Variants in GNA14 observed in about 807,000 individuals in gnomAD.
GNA14 encodes the protein G protein subunit alpha 14, also known as guanine nucleotide-binding protein subunit alpha-14.
In GNA14, 50 loss-of-function variants were observed where a neutral mutation model predicts 42.0. That is an observed-to-expected ratio of 1.19 (90% CI 0.95 to 1.51). The LOEUF (loss-of-function observed/expected upper bound fraction) is 1.51, where lower values mean the gene tolerates loss of function less well. Ranked by LOEUF, GNA14 falls within the 40% of genes most tolerant of loss-of-function variation. GNA14 has a pLI of 0.00. For synonymous variants in GNA14, 173 were observed against 163.1 expected, an observed-to-expected ratio of 1.06 and a Z score of -0.46; for missense variants, 473 against 446.2, an observed-to-expected ratio of 1.06 and a Z score of -0.54.
intron 1 of GNA14, among the ~76,000 whole-genome samples, chr9:77,615,702 TACACACAC>T (rs59087574): frequency 0.051 from 6,790 of 134,408 alleles, 301 homozygotes; most frequent in African/African-American, 0.12. Context: ...GAAAATGAAA[TACACACAC>T]ACACACACAC....
chr9:77,474,632 G>T (rs1434314212), intron 2 of GNA14, among the ~76,000 whole-genome samples: 4 of 152,146 alleles, frequency 2.6e-5, no homozygotes, highest in African/African-American at 9.7e-5. Flanking sequence ...TGGCCCAGCA[G>T]TTCCACTCCT....
intron 1 of GNA14, among the ~76,000 whole-genome samples, chr9:77,574,074 G>A (rs1823097301): frequency 6.6e-6 from 1 of 152,118 alleles, no homozygotes; most frequent in Non-Finnish European, 1.5e-5. Context: ...GGAAGTTGAG[G>A]AGAAAGGATC....
intron 2 of GNA14, among the ~76,000 whole-genome samples, chr9:77,527,583 A>T (rs548778009): frequency 1.3e-5 from 2 of 152,246 alleles, no homozygotes; most frequent in Non-Finnish European, 2.9e-5. Flanking sequence ...CAGGAAAGCC[A>T]AAAGATTGGA....
In GNA14 at chr9:77,586,859, T is replaced by C. The variant is rs118065735; in HGVS notation, c.125-57606A>G. On this transcript the variant is annotated intron_variant, in intron 1 of 6. Transcript: ENST00000341700. ...CCGAAAAAGGAAGATGGAACCTCCA[T>C]GTTGAACACGCCTGGTCCCCCAGGT... 6.9e-3 allele frequency among the ~76,000 whole-genome samples: 1,044 copies of C among 152,292 alleles called. 27 individuals carry two copies. The East Asian group carries it at 0.075, about 11-fold the overall frequency.
chr9:77,594,791 A>C (rs1341650764), intron 1 of GNA14, among the ~76,000 whole-genome samples: 4 of 152,202 alleles, frequency 2.6e-5, no homozygotes, highest in Non-Finnish European at 4.4e-5. Flanking sequence ...GATTTGCTCA[A>C]GTTTCTGGGC....
rs142184562 is a variant in GNA14 at position 77,542,463 on chromosome 9, T to C, written c.125-13210A>G. 2.6e-4 allele frequency among the ~76,000 whole-genome samples: 40 copies of C among 152,278 alleles called. 1 individual carries two copies. Among genetic ancestry groups the C allele is most frequent in the African/African-American group, 8.7e-4 (36 of 41,558 alleles). On this transcript the variant is annotated intron_variant, in intron 1 of 6. Coordinates refer to ENST00000341700, the MANE Select transcript of GNA14 (RefSeq NM_004297.4). The stretch of plus-strand genomic sequence containing the variant: ...CATGCCTGTACTTAAACCCACAGTA[T>C]ATGTTGGCTCTGGTGTTAGTGGGTC...
At chr9:77,598,776 T>TCC (rs1318546547) in intron 1 of GNA14, among the ~76,000 whole-genome samples, 1 of 152,158 alleles carries the variant, frequency 6.6e-6, no homozygotes, top group Non-Finnish European at 1.5e-5. Flanking sequence ...GAGGGTGCTG[T>TCC]CCTTCCAGCT....
intron 2 of GNA14, among the ~76,000 whole-genome samples, chr9:77,442,177 G>A (rs773452961): frequency 3.3e-5 from 5 of 152,168 alleles, no homozygotes; most frequent in Admixed American, 2.0e-4. Context: ...TTCGAGACCC[G>A]ACTGACCAAC....
intron 1 of GNA14, chr9:77,635,292 T>G (rs1263845266): frequency 6.6e-6 from 1 of 152,208 alleles, no homozygotes; most frequent in East Asian, 1.9e-4. Context: ...TTAGTATATG[T>G]GCTGCTGAAG....
chr9:77,501,409 G>A lies in GNA14; in HGVS notation c.309+27660C>T, dbSNP rs75059467. Among the ~76,000 whole-genome samples, 156 of 152,264 alleles carry A rather than the reference G, an allele frequency of 1.0e-3. 2 individuals carry two copies. In the East Asian group the frequency reaches 0.025, roughly 25 times the overall value. On this transcript the variant is annotated intron_variant, in intron 2 of 6. Coordinates refer to ENST00000341700, the MANE Select transcript of GNA14 (RefSeq NM_004297.4). Reference sequence around the variant, plus strand: ...TTTTAATCATTCTGATAGGTATAGAGTAATACCTCATTGTGATTTTAATTT... The same window carrying A: ...TTTTAATCATTCTGATAGGTATAGAATAATACCTCATTGTGATTTTAATTT...
At chr9:77,570,773 G>A (rs971010994) in intron 1 of GNA14, among the ~76,000 whole-genome samples, 2 of 152,034 alleles carry the variant, frequency 1.3e-5, no homozygotes, top group African/African-American at 4.8e-5. Context: ...TTGCTGGGTC[G>A]TATGGTAGCT....
intron 1 of GNA14, among the ~76,000 whole-genome samples, chr9:77,532,425 G>A (rs947300154): frequency 2.0e-5 from 3 of 152,176 alleles, no homozygotes; most frequent in Non-Finnish European, 4.4e-5. Flanking sequence ...CCAGCAGCAG[G>A]TGAATGCAGG....
chr9:77,538,820 T>C (rs1837627792), intron 1 of GNA14, among the ~76,000 whole-genome samples: 1 of 152,122 alleles, frequency 6.6e-6, no homozygotes, highest in African/African-American at 2.4e-5. Flanking sequence ...AATCTAGGAG[T>C]TTATTTTGGT....
intron 1 of GNA14, among the ~76,000 whole-genome samples, chr9:77,536,515 TA>T (rs563953038): frequency 9.1e-4 from 139 of 152,278 alleles, no homozygotes; most frequent in African/African-American, 3.2e-3. Context: ...CACACCTGGC[TA>T]ATTTTTGTAT....
intron 1 of GNA14, among the ~76,000 whole-genome samples, chr9:77,593,530 G>A (rs766948939): frequency 1.6e-4 from 25 of 152,054 alleles, no homozygotes; most frequent in Non-Finnish European, 2.2e-4. Context: ...GGCTGGTCTC[G>A]AACTCCTGAT....
chr9:77,501,701 A>G (rs560820054), intron 2 of GNA14, among the ~76,000 whole-genome samples: 13 of 142,640 alleles, frequency 9.1e-5, no homozygotes, highest in Non-Finnish European at 1.5e-4. Context: ...TGTTGTTCAG[A>G]TTGGATAATT....
At chr9:77,444,651 G>A (rs74868774) in intron 2 of GNA14, among the ~76,000 whole-genome samples, 5,724 of 152,244 alleles carry the variant, frequency 0.038, 305 homozygotes, top group African/African-American at 0.11. Context: ...TAGCCTTCCA[G>A]TGTCTTCTTC....
intron 1 of GNA14, among the ~76,000 whole-genome samples, chr9:77,624,612 G>C (rs1199888553): frequency 6.6e-6 from 1 of 152,166 alleles, no homozygotes; most frequent in Non-Finnish European, 1.5e-5. Flanking sequence ...GCCTCCGCTG[G>C]TGATACCCAG....
At chr9:77,488,551 G>A (rs552574308) in intron 2 of GNA14, among the ~76,000 whole-genome samples, 199 of 152,176 alleles carry the variant, frequency 1.3e-3, no homozygotes, top group African/African-American at 4.7e-3. Flanking sequence ...CTCTGTAGGA[G>A]GTACATTCCA....
Sources: allele counts gnomAD v4.1 joint callset (sites outside exome capture counted in the v4.1 genomes callset), GRCh38; gene constraint gnomAD v4.1.1; transcripts MANE v1.5; gene names NCBI Gene and HGNC (gene_info 2026-07-23, HGNC 2026-07-21).